The following DCUN1D2 variants were observed in gnomAD, a reference collection of about 807,000 sequenced individuals.
The protein encoded by DCUN1D2 is DCN1-like protein 2.
A neutral mutation model predicts 30.9 loss-of-function variants in DCUN1D2; 29 were observed. The observed-to-expected ratio is 0.94, with a 90% CI of 0.70 to 1.28. DCUN1D2 has a LOEUF of 1.28. DCUN1D2 is among the 50% of genes most tolerant of loss of function. DCUN1D2 has a pLI of 0.00. For synonymous variants in DCUN1D2, 121 were observed against 115.3 expected (o/e 1.05, Z -0.32); for missense variants, 325 against 316.9 (o/e 1.03, Z -0.19).
chr13:113,484,508 A>C (rs565271374), intron 1 of DCUN1D2, among the ~76,000 whole-genome samples: 8 of 152,298 alleles, frequency 5.3e-5, no homozygotes, highest in African/African-American at 1.9e-4. Flanking sequence ...TCCCACTTTA[A>C]ATCACAGAAT....
chr13:113,461,852 T>C (rs554963062), intron 4 of DCUN1D2, among the ~76,000 whole-genome samples: 5 of 151,046 alleles, frequency 3.3e-5, no homozygotes, highest in African/African-American at 9.9e-5. Context: ...CTCCAATCCA[T>C]AGTTTGTGAA....
intron 5 of DCUN1D2, chr13:113,459,615 TAAG>T: frequency 2.4e-6 from 1 of 412,490 alleles, no homozygotes. Context: ...CAGATTTATT[TAAG>T]AACAAAACAT....
chr13:113,462,273 A>T (rs1034919622), intron 4 of DCUN1D2, among the ~76,000 whole-genome samples: 1 of 151,046 alleles, frequency 6.6e-6, no homozygotes, highest in South Asian at 2.1e-4. Context: ...AAAATTAAAT[A>T]AATAAATAAA....
rs1219867981 is a variant in DCUN1D2, at chr13:113,490,601, G to T, written c.3+66C>A. Reference sequence around the variant, plus strand: ...GCCTCCCACATCCAGCGCGCCGCCTGCGCCGACCTTGGGGCCCGACCCCGA... The same window carrying T: ...GCCTCCCACATCCAGCGCGCCGCCTTCGCCGACCTTGGGGCCCGACCCCGA... On this transcript the variant is annotated intron_variant, in intron 1 of 6. Transcript: ENST00000478244. The surrounding 1 kb of genome is among the most constrained non-coding windows in gnomAD (Gnocchi z 5.2). 2 of 1,209,552 alleles carry T rather than the reference G, an allele frequency of 1.7e-6. No homozygotes were observed. The highest frequency in any genetic ancestry group is 6.6e-4 in the Middle Eastern group (2 of 3,044). 74.9% of individuals were successfully genotyped at this position (1,209,552 alleles called of 1,614,324 possible). A position where few individuals can be genotyped will look rare whatever the true frequency, so the allele number is the denominator to read the frequency against.
chr13:113,484,223 A>AGATG, intron 1 of DCUN1D2, 167 bp from the exon 2 acceptor site: 3 of 1,388,156 alleles, frequency 2.2e-6, no homozygotes, highest in Non-Finnish European at 2.8e-6. Context: ...CAGCATCTAT[A>AGATG]CTGTAACAAA....
chr13:113,490,949 T>G (rs2139767905), upstream of DCUN1D2: 1 of 202,822 alleles, frequency 4.9e-6, no homozygotes, highest in Non-Finnish European at 9.8e-6. The surrounding 1 kb of genome is among the most constrained non-coding windows in gnomAD (Gnocchi z 5.2). Context: ...GGCCAGGAAG[T>G]GCTCGCCGCC....
At position 113,465,964 on chromosome 13, in the gene DCUN1D2, C is replaced by T. The variant is rs141695906; in HGVS notation, c.521-4828G>A. Among the ~76,000 whole-genome samples the T allele has an allele frequency of 4.6e-5, 7 of 152,296 alleles. No individual in the cohort carries two copies. The East Asian group carries it at 1.2e-3, about 25-fold the overall frequency. On this transcript the variant is annotated intron_variant, in intron 4 of 6. Transcript: ENST00000478244. ...GCAGTGATGTGATATCAGCTGACTG[C>T]AACCTCCGCCTCCTGGGTTCAAGCG...
intron 3 of DCUN1D2, among the ~76,000 whole-genome samples, chr13:113,478,593 T>C (rs1167360171): frequency 1.3e-5 from 2 of 152,184 alleles, no homozygotes; most frequent in Non-Finnish European, 2.9e-5. Context: ...CAGCCTTTCC[T>C]TCTTTCTAAA....
At chr13:113,477,193 G>A (rs919395572) in intron 3 of DCUN1D2, among the ~76,000 whole-genome samples, 2 of 151,878 alleles carry the variant, frequency 1.3e-5, no homozygotes, top group Admixed American at 1.3e-4. Context: ...CTATCTATTG[G>A]GATTTTTAAA....
At chr13:113,473,287 G>A (rs2044556477) in intron 4 of DCUN1D2, among the ~76,000 whole-genome samples, 1 of 152,024 alleles carries the variant, frequency 6.6e-6, no homozygotes, top group South Asian at 2.1e-4. Flanking sequence ...GGTGATCACT[G>A]CACACCTCCC....
chr13:113,464,815 C>T (rs933470927), intron 4 of DCUN1D2, among the ~76,000 whole-genome samples: 7 of 152,214 alleles, frequency 4.6e-5, no homozygotes, highest in African/African-American at 1.7e-4. Context: ...CATTTGAAGC[C>T]ACTGCGTTTT....
rs142221060 is a variant in DCUN1D2, at chr13:113,456,047, G to T, written c.*1982C>A. 4.3e-3 allele frequency: 1,691 copies of T among 396,906 alleles called. 16 individuals are homozygous for T. Among genetic ancestry groups the T allele is most frequent in the African/African-American group, 0.032 (1,563 of 48,728 alleles). The allele number at this position is 396,906 out of a possible 1,614,324, so 24.6% of individuals were successfully genotyped here. On this transcript the variant is annotated 3_prime_UTR_variant, in exon 7 of 7. Coordinates refer to ENST00000478244, the MANE Select transcript of DCUN1D2 (RefSeq NM_001014283.2). ...TTATGTGAATTCTATAAACTTTTCT[G>T]AACAAAACAATTACATGTCAAGAAT...
In DCUN1D2 at chr13:113,457,263, T is replaced by C. The variant is rs540723681; in HGVS notation, c.*766A>G. 7 of 152,304 alleles carry C rather than the reference T, an allele frequency of 4.6e-5. No individual in the cohort carries two copies. Among genetic ancestry groups the C allele is most frequent in the Admixed American group, 2.0e-4 (3 of 15,300 alleles). The allele number at this position is 152,304 out of a possible 1,614,324, so 9.4% of individuals were successfully genotyped here. On this transcript the variant is annotated 3_prime_UTR_variant, in exon 7 of 7. Transcript: ENST00000478244. ...TCTTTTTAAATGTAATTAAAATATA[T>C]TTTAAAAAAACATACTTTATGAAGC...
intron 4 of DCUN1D2, 103 bp from the exon 5 acceptor site, chr13:113,461,239 T>C: frequency 1.4e-6 from 1 of 723,048 alleles, no homozygotes; most frequent in South Asian, 1.8e-5. Flanking sequence ...TAATAAAATG[T>C]GGCAATCTCA....
At chr13:113,462,740 C>T in intron 4 of DCUN1D2, 4 of 1,031,754 alleles carry the variant, frequency 3.9e-6, no homozygotes, top group Non-Finnish European at 4.7e-6. Flanking sequence ...TAGACCTTAC[C>T]GATGGGACCC....
rs749867136 is a variant in DCUN1D2, at chr13:113,483,956, C to T, written c.104G>A (p.Trp35Ter). The T allele has an allele frequency of 6.2e-7, 1 of 1,614,114 alleles. No individual in the cohort carries two copies. Among genetic ancestry groups the T allele is most frequent in the Non-Finnish European group, 8.5e-7 (1 of 1,180,066 alleles). ...GCTGTCCGTGGCCTCGTCTAGTCTC[C>T]ACTCATTCTGCGTTAAGCAGTAGAT... is the stretch of plus-strand genomic sequence containing the variant. ...TAIYCLTQNEWRLDEATDSFF... is the reference protein window; with the variant it reads ...TAIYCLTQNE Residue 35 changes from tryptophan to a stop codon, truncating the protein, a stop_gained, in exon 2 of 7, where the codon TGG becomes TAG. Coordinates refer to ENST00000478244, the MANE Select transcript of DCUN1D2 (RefSeq NM_001014283.2). LOFTEE classifies it high-confidence loss of function.
At chr13:113,484,088 T>C in intron 1 of DCUN1D2, 32 bp from the exon 2 acceptor site, 1 of 1,610,300 alleles carries the variant, frequency 6.2e-7, no homozygotes, top group Non-Finnish European at 8.5e-7. Context: ...GGAAAGCCAA[T>C]GAAGCCGCTC....
chr13:113,467,399 T>C (rs1002855357), intron 4 of DCUN1D2, among the ~76,000 whole-genome samples: 3 of 152,138 alleles, frequency 2.0e-5, no homozygotes, highest in Non-Finnish European at 4.4e-5. Context: ...ACCGGTGTAG[T>C]CTGTTGTAAA....
intron 1 of DCUN1D2, among the ~76,000 whole-genome samples, chr13:113,486,307 C>T (rs780260079): frequency 1.3e-5 from 2 of 152,052 alleles, no homozygotes; most frequent in Non-Finnish European, 2.9e-5. Context: ...ACTGAGCAGG[C>T]GTGGACACAA....
Sources: allele counts gnomAD v4.1 joint callset (sites outside exome capture counted in the v4.1 genomes callset), GRCh38; gene constraint gnomAD v4.1.1; non-coding constraint Gnocchi (gnomAD v3.1); transcripts MANE v1.5; gene names NCBI Gene and HGNC (gene_info 2026-07-23, HGNC 2026-07-21).